Variants in CNTN4 observed in about 807,000 individuals in gnomAD.
CNTN4 encodes the protein contactin-4.
In CNTN4, 77 loss-of-function variants were observed where a neutral mutation model predicts 122.5. The ratio of observed to expected loss-of-function variants is 0.63; its 90% CI spans 0.52 to 0.76. CNTN4 has a LOEUF of 0.76. Ranked by LOEUF, CNTN4 falls within the 30% of genes least tolerant of loss-of-function variation. The pLI, the probability that CNTN4 is intolerant of heterozygous loss-of-function variation, is 0.00. For missense variants in CNTN4, 1,256 were observed against 1,259.1 expected, an observed-to-expected ratio of 1.00 and a Z score of 0.04; for synonymous variants, 512 against 447.0, an observed-to-expected ratio of 1.15 and a Z score of -1.83.
intron 2 of CNTN4, among the ~76,000 whole-genome samples, chr3:2,333,130 T>C (rs2043804765): frequency 6.6e-6 from 1 of 152,190 alleles, no homozygotes; most frequent in African/African-American, 2.4e-5. Context: ...TTTCTGGCCT[T>C]ACAACTGATG....
intron 16 of CNTN4, among the ~76,000 whole-genome samples, chr3:3,031,836 T>G (rs1251918192): frequency 6.6e-6 from 1 of 152,198 alleles, no homozygotes; most frequent in African/African-American, 2.4e-5. Flanking sequence ...ACTGTTGGTG[T>G]TCAGGCATCT....
chr3:2,428,615 G>A (rs973544979), intron 3 of CNTN4, among the ~76,000 whole-genome samples: 2 of 152,092 alleles, frequency 1.3e-5, no homozygotes, highest in African/African-American at 4.8e-5. Context: ...TTTGAATGTT[G>A]GCTTGCCTTG....
intron 3 of CNTN4, among the ~76,000 whole-genome samples, chr3:2,384,144 A>G (rs550914430): frequency 2.3e-4 from 35 of 152,272 alleles, no homozygotes; most frequent in African/African-American, 8.4e-4. Context: ...AGCTTACAGC[A>G]TGTAGCCGTG....
rs2084084714 is a variant in CNTN4, at chr3:2,665,088, C to T, written c.56-71127C>T. Among the ~76,000 whole-genome samples, 3 of 152,128 alleles carry T rather than the reference C, an allele frequency of 2.0e-5. No individual in the cohort carries two copies. In the South Asian group the frequency reaches 6.2e-4, roughly 31 times the overall value. On this transcript the variant is annotated intron_variant, in intron 4 of 24. Coordinates refer to ENST00000418658, the MANE Select transcript of CNTN4 (RefSeq NM_175607.3). Reference sequence around the variant, plus strand: ...ATCTCTAGGGATATAATTATTTTGTCGTTATCCACAGTTCCTCAAGGGACT... The same window carrying T: ...ATCTCTAGGGATATAATTATTTTGTTGTTATCCACAGTTCCTCAAGGGACT...
At chr3:2,458,266 A>C (rs560266920) in intron 3 of CNTN4, among the ~76,000 whole-genome samples, 1 of 152,268 alleles carries the variant, frequency 6.6e-6, no homozygotes, top group African/African-American at 2.4e-5. Flanking sequence ...GTATGAGTCC[A>C]TTTTTATACC....
chr3:2,923,037 T>C (rs963058891), intron 12 of CNTN4, among the ~76,000 whole-genome samples: 1 of 152,226 alleles, frequency 6.6e-6, no homozygotes, highest in African/African-American at 2.4e-5. Flanking sequence ...AAAGGTGTGT[T>C]TTCTGGTTTC....
chr3:2,167,056 T>A (rs937051167), intron 2 of CNTN4, among the ~76,000 whole-genome samples: 2 of 152,166 alleles, frequency 1.3e-5, no homozygotes, highest in African/African-American at 2.4e-5. Context: ...CAGACATAGA[T>A]GTAATAAAAA....
At chr3:2,785,518 C>T (rs1334857934) in intron 6 of CNTN4, among the ~76,000 whole-genome samples, 4 of 152,146 alleles carry the variant, frequency 2.6e-5, no homozygotes, top group African/African-American at 9.7e-5. Context: ...TACAACACAT[C>T]CAGAAATAAT....
intron 4 of CNTN4, among the ~76,000 whole-genome samples, chr3:2,611,684 G>A (rs1413366258): frequency 2.0e-5 from 3 of 152,210 alleles, no homozygotes; most frequent in Middle Eastern, 3.4e-3. Context: ...GAAGGAACCT[G>A]CAAGTGTCAA....
intron 3 of CNTN4, among the ~76,000 whole-genome samples, chr3:2,347,384 C>G (rs546384590): frequency 1.7e-4 from 24 of 143,214 alleles, no homozygotes; most frequent in African/African-American, 5.8e-4. Flanking sequence ...CAATGGATGA[C>G]TCCAAAGGCT....
chr3:2,494,696 G>C (rs2076408252), intron 3 of CNTN4, among the ~76,000 whole-genome samples: 1 of 152,278 alleles, frequency 6.6e-6, no homozygotes, highest in Non-Finnish European at 1.5e-5. Context: ...TTCAAAATAT[G>C]TCAAAGAAAT....
At chr3:2,921,335 C>T (rs141037659) in intron 12 of CNTN4, among the ~76,000 whole-genome samples, 41 of 152,342 alleles carry the variant, frequency 2.7e-4, no homozygotes, top group African/African-American at 9.9e-4. Flanking sequence ...ACACACCTGA[C>T]CTCAGAGAAG....
At chr3:2,892,684 A>G (rs1033502572) in intron 10 of CNTN4, among the ~76,000 whole-genome samples, 2 of 152,218 alleles carry the variant, frequency 1.3e-5, no homozygotes, top group African/African-American at 4.8e-5. Flanking sequence ...GATATTTAAT[A>G]TCTTTGTACA....
In CNTN4 at chr3:2,121,093, C is replaced by G. The variant is rs536979244; in HGVS notation, c.-145+20454C>G. Among the ~76,000 whole-genome samples, 230 of 151,336 alleles carry G rather than the reference C, an allele frequency of 1.5e-3. 1 individual carries two copies. Among genetic ancestry groups the G allele is most frequent in the Non-Finnish European group, 1.9e-3 (129 of 67,602 alleles). On this transcript the variant is annotated intron_variant, in intron 2 of 24. Transcript: ENST00000418658. ...CTTCCTTCCTCCCTCCCTTCCTTCC[C>G]TCCCTTCTTCCTTCCTTCTCTCCCT...
At chr3:2,230,397 G>A (rs552108314) in intron 2 of CNTN4, among the ~76,000 whole-genome samples, 2 of 152,264 alleles carry the variant, frequency 1.3e-5, no homozygotes, top group African/African-American at 4.8e-5. Flanking sequence ...GACTCAGAAG[G>A]TTTAGGTGAT....
At chr3:2,938,681 G>T (rs115946131) in intron 13 of CNTN4, among the ~76,000 whole-genome samples, 4,195 of 152,250 alleles carry the variant, frequency 0.028, 203 homozygotes, top group African/African-American at 0.095. Flanking sequence ...CATATTTTCA[G>T]TAATAAACTG....
intron 6 of CNTN4, among the ~76,000 whole-genome samples, chr3:2,762,553 A>G (rs772185041): frequency 1.6e-4 from 24 of 152,152 alleles, no homozygotes; most frequent in Non-Finnish European, 2.9e-4. Flanking sequence ...TGTATGTACC[A>G]CATTTTCTTT....
At chr3:2,383,288 A>T (rs2046098971) in intron 3 of CNTN4, among the ~76,000 whole-genome samples, 1 of 152,154 alleles carries the variant, frequency 6.6e-6, no homozygotes, top group Admixed American at 6.5e-5. Context: ...CCTTATATTT[A>T]TCCAACCTCT....
chr3:2,820,695 A>G (rs1021366791), intron 7 of CNTN4, among the ~76,000 whole-genome samples: 5 of 152,284 alleles, frequency 3.3e-5, no homozygotes, highest in Admixed American at 1.3e-4. Context: ...CCTATTTATG[A>G]ATAACAAAAG....
Sources: allele counts gnomAD v4.1 joint callset (sites outside exome capture counted in the v4.1 genomes callset), GRCh38; gene constraint gnomAD v4.1.1; transcripts MANE v1.5; gene names NCBI Gene and HGNC (gene_info 2026-07-23, HGNC 2026-07-21).